The following ARSG variants were observed in gnomAD, a reference collection of about 807,000 sequenced individuals.
The protein encoded by ARSG is arylsulfatase G.
In ARSG, 37 loss-of-function variants were observed where a neutral mutation model predicts 50.5. The observed-to-expected ratio is 0.73, with a 90% CI of 0.56 to 0.96. The LOEUF (loss-of-function observed/expected upper bound fraction) is 0.96. Among genes scored for constraint, ARSG ranks in the 50% least tolerant of loss-of-function variants. ARSG has a pLI of 0.00. For synonymous variants in ARSG, 225 were observed against 254.6 expected, an observed-to-expected ratio of 0.88 and a Z score of 1.11; for missense variants, 629 against 675.3, an observed-to-expected ratio of 0.93 and a Z score of 0.76.
At chr17:68,444,903 G>A in the ARSG span, among the ~76,000 whole-genome samples, 19 of 148,126 alleles carry the variant, frequency 1.3e-4, no homozygotes, top group African/African-American at 4.0e-4. Flanking sequence ...CTTAGAACAG[G>A]GATCCTGAAC....
At chr17:68,390,490 C>G (rs2080941117) in intron 9 of ARSG, among the ~76,000 whole-genome samples, 1 of 152,200 alleles carries the variant, frequency 6.6e-6, no homozygotes, top group African/African-American at 2.4e-5. Flanking sequence ...CAGCCTTCTC[C>G]TGTTATCACG....
intron 3 of ARSG, among the ~76,000 whole-genome samples, chr17:68,344,978 C>T (rs951595680): frequency 7.2e-5 from 11 of 152,180 alleles, no homozygotes; most frequent in African/African-American, 1.7e-4. Context: ...ACCTGGAGTG[C>T]GGCATTCTTT....
At chr17:68,335,551 C>A (rs1879834521) in intron 2 of ARSG, among the ~76,000 whole-genome samples, 1 of 129,442 alleles carries the variant, frequency 7.7e-6, no homozygotes, top group African/African-American at 3.4e-5. Flanking sequence ...GAGACTCCAT[C>A]TCAAAAAAAA....
At chr17:68,261,695 C>T (rs566656913) in intron 1 of ARSG, among the ~76,000 whole-genome samples, 1 of 152,182 alleles carries the variant, frequency 6.6e-6, no homozygotes, top group East Asian at 1.9e-4. Context: ...AAACAAGTAC[C>T]ATTTTGAATA....
chr17:68,338,707 G>A (rs962858731), intron 2 of ARSG, among the ~76,000 whole-genome samples: 2 of 152,140 alleles, frequency 1.3e-5, no homozygotes, highest in African/African-American at 4.8e-5. Context: ...GCCCATCCTA[G>A]GGCTCTCCCA....
intron 1 of ARSG, among the ~76,000 whole-genome samples, chr17:68,270,240 T>G (rs1555748011): frequency 1.3e-5 from 2 of 152,184 alleles, no homozygotes; most frequent in East Asian, 1.9e-4. Context: ...TTGCCTAGCA[T>G]GAGAGAAGGC....
chr17:68,307,983 A>AT (rs1158063217), intron 2 of ARSG, among the ~76,000 whole-genome samples: 4 of 152,112 alleles, frequency 2.6e-5, no homozygotes, highest in Non-Finnish European at 5.9e-5. Context: ...CAAGTTATTC[A>AT]TTGTCTGGTA....
chr17:68,323,744 C>T (rs1227567384), intron 2 of ARSG, among the ~76,000 whole-genome samples: 1 of 152,118 alleles, frequency 6.6e-6, no homozygotes, highest in Non-Finnish European at 1.5e-5. Flanking sequence ...AATGGTGGCT[C>T]AACAGCCTTT....
At chr17:68,304,782 G>A (rs543508731) in intron 1 of ARSG, among the ~76,000 whole-genome samples, 6 of 152,266 alleles carry the variant, frequency 3.9e-5, no homozygotes, top group Admixed American at 3.3e-4. Flanking sequence ...CTTCCGCCTC[G>A]GCCTCCCAAA....
chr17:68,394,212 T>C (rs1400772810), intron 9 of ARSG, among the ~76,000 whole-genome samples: 1 of 152,186 alleles, frequency 6.6e-6, no homozygotes, highest in Non-Finnish European at 1.5e-5. Flanking sequence ...AATTTTGCTG[T>C]TGCACCTCAA....
the ARSG span, among the ~76,000 whole-genome samples, chr17:68,442,329 G>T: frequency 6.6e-6 from 1 of 152,064 alleles, no homozygotes; most frequent in African/African-American, 2.4e-5. Flanking sequence ...GCTGGGTGTG[G>T]TGGTAGGCAC....
At chr17:68,304,895 T>G (rs1555763413) in intron 1 of ARSG, among the ~76,000 whole-genome samples, 2 of 152,178 alleles carry the variant, frequency 1.3e-5, no homozygotes, top group Non-Finnish European at 2.9e-5. Flanking sequence ...GCAAATTGGC[T>G]GGATGTGGTG....
intron 1 of ARSG, among the ~76,000 whole-genome samples, chr17:68,298,524 G>A (rs2076289647): frequency 6.6e-6 from 1 of 151,278 alleles, no homozygotes; most frequent in South Asian, 2.1e-4. Flanking sequence ...GAACCCAGGA[G>A]GTGGAGGTTG....
At chr17:68,307,766 G>C (rs2076665366) in intron 2 of ARSG, 55 bp downstream of exon 2, 1 of 973,446 alleles carries the variant, frequency 1.0e-6, no homozygotes, top group Admixed American at 1.9e-5. Flanking sequence ...TCCCGTTCTT[G>C]AGAGGGGAAG....
intron 11 of ARSG, among the ~76,000 whole-genome samples, chr17:68,405,403 C>CT (rs1475230523): frequency 2.0e-5 from 3 of 152,144 alleles, no homozygotes; most frequent in Middle Eastern, 3.4e-3. Flanking sequence ...AAGTCTTTCA[C>CT]TTTTTTGTGT....
chr17:68,391,104 A>G (rs2080973129), intron 9 of ARSG, among the ~76,000 whole-genome samples: 1 of 151,878 alleles, frequency 6.6e-6, no homozygotes, highest in African/African-American at 2.4e-5. Context: ...TCCCAGGCCC[A>G]ATTTCTTTGG....
downstream of ARSG, among the ~76,000 whole-genome samples, chr17:68,425,750 C>G (rs1019522398): frequency 2.0e-5 from 3 of 152,110 alleles, no homozygotes; most frequent in Non-Finnish European, 4.4e-5. Flanking sequence ...GTCACGTGTT[C>G]CTACCTTCCA....
intron 2 of ARSG, among the ~76,000 whole-genome samples, chr17:68,338,597 G>A (rs1300569536): frequency 6.6e-6 from 1 of 152,148 alleles, no homozygotes; most frequent in Non-Finnish European, 1.5e-5. Context: ...GATTTGCCTG[G>A]ATACAAATTG....
At chr17:68,345,488 T>A (rs1390797111) in intron 3 of ARSG, among the ~76,000 whole-genome samples, 1 of 152,202 alleles carries the variant, frequency 6.6e-6, no homozygotes, top group Non-Finnish European at 1.5e-5. Flanking sequence ...GCAGCTTGAC[T>A]GTTTAGCTGC....
Sources: gnomAD v4.1 joint callset for allele counts (sites outside exome capture counted in the v4.1 genomes callset) on GRCh38, gnomAD v4.1.1 for gene constraint, MANE v1.5 for transcripts, NCBI Gene and HGNC (gene_info 2026-07-23, HGNC 2026-07-21) for gene names.